The following YWHAQ variants were observed in gnomAD, a reference collection of about 807,000 sequenced individuals.
The protein encoded by YWHAQ is tyrosine 3-monooxygenase/tryptophan 5-monooxygenase activation protein theta, also known as 14-3-3 protein theta.
A neutral mutation model predicts 28.3 loss-of-function variants in YWHAQ; 6 were observed. The observed-to-expected ratio is 0.21, with a 90% CI of 0.12 to 0.42. The LOEUF (loss-of-function observed/expected upper bound fraction) is 0.42, where lower values mean the gene tolerates loss of function less well. YWHAQ is among the 10% of genes least tolerant of loss of function. The probability of loss-of-function intolerance (pLI) is 1.00; values close to 1 mark genes in which losing one functional copy is unlikely to be tolerated. For synonymous variants in YWHAQ, 143 were observed against 119.1 expected (o/e 1.20, Z -1.31); for missense variants, 201 against 305.6 (o/e 0.66, Z 2.55).
intron 2 of YWHAQ, among the ~76,000 whole-genome samples, chr2:9,623,466 A>T (rs1360640412): frequency 1.3e-5 from 2 of 152,242 alleles, no homozygotes; most frequent in Non-Finnish European, 2.9e-5. Context: ...GACAGTGTTC[A>T]CCACTGCATT....
chr2:9,623,589 C>T (rs1055726476), intron 2 of YWHAQ, among the ~76,000 whole-genome samples: 1 of 152,098 alleles, frequency 6.6e-6, no homozygotes, highest in Non-Finnish European at 1.5e-5. Context: ...ACCTGACCAA[C>T]ACGGAGAAAC....
Position 9,588,397 on chromosome 2 carries a change from T to C in YWHAQ, c.419-69A>G, listed in dbSNP as rs1666389458. 9 of 1,525,804 alleles carry C rather than the reference T, an allele frequency of 5.9e-6. No homozygotes were observed. In the South Asian group the frequency reaches 1.2e-4, roughly 20 times the overall value. 94.5% of individuals were successfully genotyped at this position (1,525,804 alleles called of 1,614,324 possible). On this transcript the variant is annotated intron_variant, in intron 3 of 5. Coordinates refer to ENST00000238081, the MANE Select transcript of YWHAQ (RefSeq NM_006826.4). ...ATCCAGTACACAGTACATTAACAACTTGAACATATGCTACTAGCTCTTGGT... is the reference window on the plus strand; with the variant it reads ...ATCCAGTACACAGTACATTAACAACCTGAACATATGCTACTAGCTCTTGGT...
At chr2:9,600,708 AAAAAAAG>A (rs551715372) in intron 2 of YWHAQ, among the ~76,000 whole-genome samples, 63 of 152,196 alleles carry the variant, frequency 4.1e-4, no homozygotes, top group African/African-American at 1.3e-3. Context: ...TCTGTCTCAA[AAAAAAAG>A]AAAAAAGAAA....
chr2:9,625,367 T>C (rs779959071), intron 2 of YWHAQ, among the ~76,000 whole-genome samples: 1 of 152,170 alleles, frequency 6.6e-6, no homozygotes, highest in Non-Finnish European at 1.5e-5. Flanking sequence ...TATTACACTA[T>C]TGTGTGTATA....
At position 9,630,771 on chromosome 2, in the gene YWHAQ, C is replaced by G. The variant is rs933005701; in HGVS notation, c.-83+170G>C. 10 of 151,276 alleles carry G rather than the reference C, an allele frequency of 6.6e-5. No homozygotes were observed. The highest frequency in any genetic ancestry group is 3.3e-4 in the Admixed American group (5 of 15,152). 9.4% of individuals were successfully genotyped at this position (151,276 alleles called of 1,614,324 possible). On this transcript the variant is annotated intron_variant, in intron 1 of 5. Coordinates refer to ENST00000238081, the MANE Select transcript of YWHAQ (RefSeq NM_006826.4). The surrounding 1 kb of genome is among the most constrained non-coding windows in gnomAD (Gnocchi z 5.6). ...GAGCCGCGGCCGCTCCCGCCACCCC[C>G]GCCCGGCCGGCCCAAGATGGAAGCG...
At chr2:9,597,650 A>AAAAG (rs1553372964) in intron 2 of YWHAQ, among the ~76,000 whole-genome samples, 1 of 151,108 alleles carries the variant, frequency 6.6e-6, no homozygotes, top group Non-Finnish European at 1.5e-5. Context: ...AAAAAAAAAA[A>AAAAG]AAAGAAAAAG....
chr2:9,609,162 G>A (rs1177506140), intron 2 of YWHAQ, among the ~76,000 whole-genome samples: 2 of 152,136 alleles, frequency 1.3e-5, no homozygotes, highest in Non-Finnish European at 2.9e-5. Flanking sequence ...CTCTACCTAA[G>A]TTTGAAATTT....
chr2:9,596,767 A>G (rs941145527), intron 2 of YWHAQ, among the ~76,000 whole-genome samples: 3 of 152,042 alleles, frequency 2.0e-5, no homozygotes, highest in Admixed American at 6.6e-5. Flanking sequence ...CAGTGGCTCA[A>G]TCTCAGCTCA....
intron 2 of YWHAQ, among the ~76,000 whole-genome samples, chr2:9,599,187 A>G (rs1267386869): frequency 6.6e-6 from 1 of 152,236 alleles, no homozygotes; most frequent in Non-Finnish European, 1.5e-5. Flanking sequence ...GAAGGCTGAG[A>G]GAAGTAAGGA....
intron 2 of YWHAQ, among the ~76,000 whole-genome samples, chr2:9,593,923 T>TACACACACACACAC (rs1553372602): frequency 5.9e-5 from 8 of 135,150 alleles, no homozygotes; most frequent in African/African-American, 8.7e-5. Context: ...TATATATATA[T>TACACACACACACAC]ACACACACAC....
At chr2:9,616,923 C>T (rs1431796016) in intron 2 of YWHAQ, among the ~76,000 whole-genome samples, 1 of 152,130 alleles carries the variant, frequency 6.6e-6, no homozygotes, top group Non-Finnish European at 1.5e-5. Context: ...ATATGTCCAT[C>T]GATGGACAAA....
chr2:9,600,258 T>A, intron 2 of YWHAQ, among the ~76,000 whole-genome samples: 1 of 152,218 alleles, frequency 6.6e-6, no homozygotes, highest in Non-Finnish European at 1.5e-5. Flanking sequence ...CTGGTGAAGA[T>A]GCCATTAACA....
At chr2:9,587,570 A>G in intron 4 of YWHAQ, 61 bp from the exon 5 acceptor site, 1 of 1,433,910 alleles carries the variant, frequency 7.0e-7, no homozygotes, top group Non-Finnish European at 9.6e-7. Context: ...TTATTCTACA[A>G]TTACAAACCA....
At chr2:9,623,403 T>C (rs1667182179) in intron 2 of YWHAQ, among the ~76,000 whole-genome samples, 1 of 152,258 alleles carries the variant, frequency 6.6e-6, no homozygotes, top group Admixed American at 6.5e-5. Flanking sequence ...AATCCTAGCA[T>C]AAAGCATGCA....
chr2:9,629,169 T>G (rs545424435), intron 2 of YWHAQ, among the ~76,000 whole-genome samples: 3 of 152,202 alleles, frequency 2.0e-5, no homozygotes, highest in African/African-American at 7.2e-5. Flanking sequence ...AAATATGATG[T>G]GCACAAACAC....
intron 2 of YWHAQ, among the ~76,000 whole-genome samples, chr2:9,626,789 A>G (rs1334869702): frequency 6.6e-6 from 1 of 152,210 alleles, no homozygotes; most frequent in African/African-American, 2.4e-5. Flanking sequence ...AAGATCACCA[A>G]TGACTTCTGC....
At chr2:9,586,825 C>G (rs1666351565) in intron 5 of YWHAQ, among the ~76,000 whole-genome samples, 1 of 152,152 alleles carries the variant, frequency 6.6e-6, no homozygotes, top group Admixed American at 6.5e-5. Flanking sequence ...ATCAAATTTA[C>G]TTGAACCTAC....
At chr2:9,625,284 C>G (rs1038874164) in intron 2 of YWHAQ, among the ~76,000 whole-genome samples, 1 of 151,588 alleles carries the variant, frequency 6.6e-6, no homozygotes, top group Admixed American at 6.6e-5. Context: ...AACCCAAACC[C>G]CCCAAAACTC....
intron 2 of YWHAQ, among the ~76,000 whole-genome samples, chr2:9,614,870 G>A (rs1667015369): frequency 6.6e-6 from 1 of 152,138 alleles, no homozygotes; most frequent in Non-Finnish European, 1.5e-5. Context: ...TATCAGCTCT[G>A]TTATGGGGTA....
Sources: allele counts gnomAD v4.1 joint callset (sites outside exome capture counted in the v4.1 genomes callset), GRCh38; gene constraint gnomAD v4.1.1; non-coding constraint Gnocchi (gnomAD v3.1); transcripts MANE v1.5; gene names NCBI Gene and HGNC (gene_info 2026-07-23, HGNC 2026-07-21).